Variants in FTCDNL1 observed in about 807,000 individuals in gnomAD.
FTCDNL1 encodes formiminotransferase N-terminal subdomain-containing protein.
In FTCDNL1, 11 loss-of-function variants were observed where a neutral mutation model predicts 5.9. That is an observed-to-expected ratio of 1.87 (90% confidence interval 1.18 to 3.10). The LOEUF (loss-of-function observed/expected upper bound fraction) is 3.10, where lower values mean the gene tolerates loss of function less well. Ranked by LOEUF, FTCDNL1 falls within the 30% of genes most tolerant of loss-of-function variation. FTCDNL1 has a pLI of 0.00. For synonymous variants in FTCDNL1, 58 were observed against 24.8 expected (o/e 2.34, Z -3.99); for missense variants, 115 against 65.5 (o/e 1.76, Z -2.61).
At chr2:199,712,247 T>G in the FTCDNL1 span, among the ~76,000 whole-genome samples, 2 of 152,198 alleles carry the variant, frequency 1.3e-5, no homozygotes, top group Non-Finnish European at 2.9e-5. Context: ...TAGTCAAATT[T>G]TAATAGGGCA....
At chr2:199,848,550 C>T (rs1437557910) in intron 2 of FTCDNL1, among the ~76,000 whole-genome samples, 1 of 152,190 alleles carries the variant, frequency 6.6e-6, no homozygotes, top group African/African-American at 2.4e-5. Flanking sequence ...TAAATACATC[C>T]TCCCCAGGAG....
chr2:199,759,895 T>C (rs1431985075), downstream of FTCDNL1, among the ~76,000 whole-genome samples: 2 of 152,202 alleles, frequency 1.3e-5, no homozygotes, highest in East Asian at 1.9e-4. Context: ...CCTAGCAGAA[T>C]GCACTGGTCC....
chr2:199,665,905 T>C, the FTCDNL1 span, among the ~76,000 whole-genome samples: 5 of 152,164 alleles, frequency 3.3e-5, no homozygotes, highest in African/African-American at 1.2e-4. Flanking sequence ...TACTGTTTTG[T>C]AGCAGTAATT....
At chr2:199,752,027 AGACT>A in the FTCDNL1 span, among the ~76,000 whole-genome samples, 1 of 152,150 alleles carries the variant, frequency 6.6e-6, no homozygotes, top group Non-Finnish European at 1.5e-5. Context: ...GGGAGGGGGC[AGACT>A]GACTGTCCAC....
the FTCDNL1 span, among the ~76,000 whole-genome samples, chr2:199,736,140 T>G: frequency 1.3e-5 from 2 of 152,194 alleles, no homozygotes; most frequent in African/African-American, 4.8e-5. Context: ...GGCTTTCTGA[T>G]AAGCAAAGCT....
At chr2:199,673,031 G>A in the FTCDNL1 span, among the ~76,000 whole-genome samples, 1 of 152,014 alleles carries the variant, frequency 6.6e-6, no homozygotes, top group South Asian at 2.1e-4. Flanking sequence ...AACTGCAAAT[G>A]AAAGTCACAA....
chr2:199,720,152 C>T, the FTCDNL1 span, among the ~76,000 whole-genome samples: 2 of 152,104 alleles, frequency 1.3e-5, no homozygotes, highest in Non-Finnish European at 2.9e-5. Flanking sequence ...GGCATATGAT[C>T]ATACCATCAA....
chr2:199,690,241 T>C, the FTCDNL1 span, among the ~76,000 whole-genome samples: 1 of 152,220 alleles, frequency 6.6e-6, no homozygotes, highest in East Asian at 1.9e-4. Flanking sequence ...GCATCCAGTG[T>C]ATTTTATCTT....
the FTCDNL1 span, among the ~76,000 whole-genome samples, chr2:199,695,170 G>A: frequency 3.3e-5 from 5 of 152,266 alleles, no homozygotes; most frequent in South Asian, 8.3e-4. Flanking sequence ...TTCATTTCTA[G>A]TAGAAAGAAC....
chr2:199,763,851 T>G (rs1042841635), intron 3 of FTCDNL1, among the ~76,000 whole-genome samples: 2 of 152,112 alleles, frequency 1.3e-5, no homozygotes, highest in African/African-American at 4.8e-5. Context: ...ATTTTTATTT[T>G]ATTTATTTGA....
At chr2:199,732,192 T>G in the FTCDNL1 span, among the ~76,000 whole-genome samples, 1 of 152,174 alleles carries the variant, frequency 6.6e-6, no homozygotes, top group Non-Finnish European at 1.5e-5. Context: ...CTTTTCTACT[T>G]CTCTAATCTT....
the FTCDNL1 span, among the ~76,000 whole-genome samples, chr2:199,732,129 G>T: frequency 6.6e-6 from 1 of 152,168 alleles, no homozygotes; most frequent in Admixed American, 6.5e-5. Flanking sequence ...CATATGGAAA[G>T]AATATTATCA....
At chr2:199,797,720 T>C (rs1229836624) in intron 3 of FTCDNL1, among the ~76,000 whole-genome samples, 2 of 152,230 alleles carry the variant, frequency 1.3e-5, no homozygotes, top group South Asian at 2.1e-4. Flanking sequence ...GCTAAGTCTC[T>C]TTCCCTCAGC....
chr2:199,720,935 C>T, the FTCDNL1 span, among the ~76,000 whole-genome samples: 1 of 152,124 alleles, frequency 6.6e-6, no homozygotes, highest in African/African-American at 2.4e-5. Flanking sequence ...TGAGGTCTTC[C>T]TTCTCTTTAA....
At chr2:199,683,952 T>C in the FTCDNL1 span, among the ~76,000 whole-genome samples, 2 of 152,244 alleles carry the variant, frequency 1.3e-5, no homozygotes, top group African/African-American at 4.8e-5. Flanking sequence ...TTCTCTCTTG[T>C]AGGTGCCCAG....
chr2:199,691,786 A>G, the FTCDNL1 span, among the ~76,000 whole-genome samples: 397 of 152,298 alleles, frequency 2.6e-3, 18 homozygotes, highest in Non-Finnish European at 2.0e-3. Flanking sequence ...CTTCCTCTAC[A>G]CTACAGATGT....
chr2:199,716,033 TAAAAAAAAAAAAAAAAA>T, the FTCDNL1 span, among the ~76,000 whole-genome samples: 7 of 108,960 alleles, frequency 6.4e-5, no homozygotes, highest in East Asian at 2.8e-4. Context: ...TGCCTCTAGT[TAAAAAAAAAAAAAAAAA>T]AAAAAAAAAA....
intron 3 of FTCDNL1, among the ~76,000 whole-genome samples, chr2:199,841,554 T>C (rs2076588661): frequency 6.6e-6 from 1 of 152,156 alleles, no homozygotes; most frequent in Non-Finnish European, 1.5e-5. Flanking sequence ...TAGTTAGTGG[T>C]TACATTATTA....
At chr2:199,764,052 G>A (rs1463709450) in intron 3 of FTCDNL1, among the ~76,000 whole-genome samples, 1 of 152,112 alleles carries the variant, frequency 6.6e-6, no homozygotes, top group Non-Finnish European at 1.5e-5. Context: ...ATGTTGGCCA[G>A]GCTGGTCTCG....
Sources: gnomAD v4.1 joint callset for allele counts (sites outside exome capture counted in the v4.1 genomes callset) on GRCh38, gnomAD v4.1.1 for gene constraint, MANE v1.5 for transcripts, NCBI Gene and HGNC (gene_info 2026-07-23, HGNC 2026-07-21) for gene names.